Variants in MTF2 observed in about 807,000 individuals in gnomAD.
MTF2 encodes metal-response element-binding transcription factor 2.
A neutral mutation model predicts 79.5 loss-of-function variants in MTF2; 11 were observed. That is an observed-to-expected ratio of 0.14 (90% CI 0.09 to 0.23). The LOEUF is 0.23. Among genes scored for constraint, MTF2 ranks in the 10% least tolerant of loss-of-function variants. MTF2 has a pLI of 1.00. For missense variants in MTF2, 486 were observed against 711.2 expected (o/e 0.68, Z 3.60); for synonymous variants, 208 against 232.8 (o/e 0.89, Z 0.97).
chr1:93,110,549 A>G lies in MTF2; in HGVS notation c.209A>G (p.Asn70Ser), dbSNP rs1203929706. 3.7e-6 allele frequency: 6 copies of G among 1,612,696 alleles called. No homozygotes were observed. Among genetic ancestry groups the G allele is most frequent in the Non-Finnish European group, 5.1e-6 (6 of 1,178,942 alleles). Residue 70 changes from asparagine (N) to serine (S), a missense_variant, in exon 3 of 15, where the codon AAC (asparagine) becomes AGC (serine). Coordinates refer to ENST00000370298, the MANE Select transcript of MTF2 (RefSeq NM_007358.4). Reference sequence around the variant, plus strand: ...AAGTATTTCTCTGTATTGCAGATAAACATATTGAAACAGAGCTGCTTCATC... The same window carrying G: ...AAGTATTTCTCTGTATTGCAGATAAGCATATTGAAACAGAGCTGCTTCATC... ...LFYLGTIKKI[N>S]ILKQSCFIIF...
intron 11 of MTF2, among the ~76,000 whole-genome samples, chr1:93,129,766 C>CAGTTTTCAAGTGCCTTATTATCTA (rs1360266902): frequency 1.3e-5 from 2 of 152,094 alleles, no homozygotes; most frequent in Non-Finnish European, 2.9e-5. Context: ...TCATTCAGCA[C>CAGTTTTCAAGTGCCTTATTATCTA]AGTTTTCAAG....
chr1:93,129,870 A>G (rs1656849051), intron 11 of MTF2, among the ~76,000 whole-genome samples: 1 of 152,196 alleles, frequency 6.6e-6, no homozygotes, highest in African/African-American at 2.4e-5. Context: ...TGGGGTTTAC[A>G]AAGGTGATAA....
At chr1:93,085,420 G>A (rs889930470) in intron 1 of MTF2, among the ~76,000 whole-genome samples, 17 of 149,238 alleles carry the variant, frequency 1.1e-4, no homozygotes, top group African/African-American at 3.4e-4. Flanking sequence ...CTCATGATGC[G>A]CCCTTCGTGG....
At position 93,112,068 on chromosome 1, in the gene MTF2, G is replaced by T. The variant is rs142122065; in HGVS notation, c.286+1442G>T. On this transcript the variant is annotated intron_variant, in intron 3 of 14. Transcript: ENST00000370298. ...TTACATAGAGATAGAAAGTTGTTGT[G>T]TGAGGGGTTCTATAAGTCCTGCACT... is the stretch of plus-strand genomic sequence containing the variant. Among the ~76,000 whole-genome samples, 5 of 152,268 alleles carry T rather than the reference G, an allele frequency of 3.3e-5. No individual in the cohort carries two copies. The East Asian group carries it at 9.7e-4, about 29-fold the overall frequency.
Position 93,137,104 on chromosome 1 carries a change from T to TA in MTF2, c.*77_*78insA. 3 of 1,272,946 alleles carry TA rather than the reference T, an allele frequency of 2.4e-6. No homozygotes were observed. The highest frequency in any genetic ancestry group is 3.2e-6 in the Non-Finnish European group (3 of 931,048). The allele number at this position is 1,272,946 out of a possible 1,614,324, so 78.9% of individuals were successfully genotyped here. A position where few individuals can be genotyped will look rare whatever the true frequency, so the allele number is the denominator to read the frequency against. On this transcript the variant is annotated 3_prime_UTR_variant, in exon 15 of 15. Coordinates refer to ENST00000370298, the MANE Select transcript of MTF2 (RefSeq NM_007358.4). ...TTCAAAGCCCTAAAGGAGTCTGGCT[T>TA]TTACTATCTTTCTTAAAAAAAAAAA...
Position 93,129,275 on chromosome 1 carries a change from T to C in MTF2, c.990-3T>C. 6.5e-7 allele frequency: 1 copy of C among 1,532,218 alleles called. No individual in the cohort carries two copies. Among genetic ancestry groups the C allele is most frequent in the Non-Finnish European group, 8.8e-7 (1 of 1,135,014 alleles). The allele number at this position is 1,532,218 out of a possible 1,614,324, so 94.9% of individuals were successfully genotyped here. A position where few individuals can be genotyped will look rare whatever the true frequency, so the allele number is the denominator to read the frequency against. On this transcript the variant is annotated splice_region_variant and splice_polypyrimidine_tract_variant and intron_variant, in intron 10 of 14. Coordinates refer to ENST00000370298, the MANE Select transcript of MTF2 (RefSeq NM_007358.4). ...ATTTTAGTTAATTTTTTTAAAAATT[T>C]AGGTTTATGTCTGGGAAAGAAATAA...
chr1:93,115,773 A>T (rs904637408), intron 6 of MTF2, among the ~76,000 whole-genome samples, 155 bp downstream of exon 6: 7 of 152,350 alleles, frequency 4.6e-5, no homozygotes, highest in African/African-American at 1.7e-4. Context: ...ATAAAAAAAT[A>T]ATTTTCATCT....
intron 9 of MTF2, chr1:93,121,281 T>G (rs1656466211): frequency 1.1e-6 from 1 of 906,458 alleles, no homozygotes; most frequent in Non-Finnish European, 1.3e-6. Flanking sequence ...TAAAGAAAAT[T>G]TTGAAACTAA....
intron 1 of MTF2, among the ~76,000 whole-genome samples, chr1:93,103,738 A>G (rs191552676): frequency 2.0e-5 from 3 of 152,338 alleles, no homozygotes; most frequent in African/African-American, 7.2e-5. Flanking sequence ...ACATTCTAGC[A>G]AAGAGGGAAG....
intron 1 of MTF2, among the ~76,000 whole-genome samples, chr1:93,108,254 TTTG>T (rs1478382260): frequency 2.0e-5 from 3 of 151,502 alleles, no homozygotes; most frequent in Admixed American, 1.3e-4. Context: ...TATAATTACT[TTTG>T]TTGGTATTCT....
At position 93,110,607 on chromosome 1, in the gene MTF2, C is replaced by A. The variant is rs1280279324; in HGVS notation, c.267C>A (p.Leu89=). The A allele has an allele frequency of 6.2e-7, 1 of 1,612,894 alleles. No homozygotes were observed. Among genetic ancestry groups the A allele is most frequent in the African/African-American group, 1.3e-5 (1 of 74,860 alleles). ...IFEDSSKSWV[L]WKDIQTGATG... ...AAGACAGTTCTAAATCCTGGGTTCT[C>A]TGGAAGGACATTCAAACAGGCAGGT... The change falls in exon 3 of 15, where the codon CTC becomes CTA. Residue 89 remains leucine, a synonymous_variant. Transcript: ENST00000370298.
chr1:93,090,117 C>T (rs1655014537), intron 1 of MTF2, among the ~76,000 whole-genome samples: 1 of 152,198 alleles, frequency 6.6e-6, no homozygotes, highest in Non-Finnish European at 1.5e-5. Flanking sequence ...GCTGGGACTA[C>T]AGGCACCCGC....
chr1:93,115,109 G>T (rs376812290), intron 5 of MTF2, 21 bp downstream of exon 5: 1 of 1,518,576 alleles, frequency 6.6e-7, no homozygotes, highest in Non-Finnish European at 9.1e-7. Context: ...AGTGTTTTGG[G>T]CTAAAGCTCT....
At chr1:93,122,051 C>T (rs1287518342) in intron 9 of MTF2, among the ~76,000 whole-genome samples, 3 of 152,154 alleles carry the variant, frequency 2.0e-5, no homozygotes, top group Non-Finnish European at 4.4e-5. Context: ...ATCCGCCCAC[C>T]TTGGCCTCCC....
intron 14 of MTF2, among the ~76,000 whole-genome samples, chr1:93,135,521 T>C (rs1557563059): frequency 6.6e-6 from 1 of 152,208 alleles, no homozygotes; most frequent in Admixed American, 6.5e-5. Context: ...TTTACAAATA[T>C]TGTCTTATTT....
At chr1:93,086,892 A>G (rs535370955) in intron 1 of MTF2, among the ~76,000 whole-genome samples, 1 of 152,314 alleles carries the variant, frequency 6.6e-6, no homozygotes, top group Non-Finnish European at 1.5e-5. Flanking sequence ...GCTTGGGACC[A>G]GAAGGGTTTT....
At position 93,114,983 on chromosome 1, in the gene MTF2, T is replaced by C. The variant is rs747616842; in HGVS notation, c.383-5T>C. 2 of 1,570,858 alleles carry C rather than the reference T, an allele frequency of 1.3e-6. No homozygotes were observed. The highest frequency in any genetic ancestry group is 1.7e-6 in the Non-Finnish European group (2 of 1,147,594). On this transcript the variant is annotated splice_region_variant and splice_polypyrimidine_tract_variant and intron_variant, in intron 4 of 14. Transcript: ENST00000370298. The stretch of plus-strand genomic sequence containing the variant: ...AATTTGCTTTATGCTTTTTTTGATA[T>C]TAAGGATATCATCAGTTGTGTCACA...
intron 1 of MTF2, among the ~76,000 whole-genome samples, chr1:93,090,881 T>G (rs1655047660): frequency 6.6e-6 from 1 of 152,010 alleles, no homozygotes; most frequent in Non-Finnish European, 1.5e-5. Context: ...GCCAGGATGG[T>G]CTCGATCTCC....
At chr1:93,117,677 C>A (rs536272989) in intron 6 of MTF2, among the ~76,000 whole-genome samples, 1 of 152,186 alleles carries the variant, frequency 6.6e-6, no homozygotes, top group Non-Finnish European at 1.5e-5. Flanking sequence ...ATATTTGGGG[C>A]AAACAACAGT....
Sources: gnomAD v4.1 joint callset for allele counts (sites outside exome capture counted in the v4.1 genomes callset) on GRCh38, gnomAD v4.1.1 for gene constraint, MANE v1.5 for transcripts, NCBI Gene and HGNC (gene_info 2026-07-23, HGNC 2026-07-21) for gene names.